Variants in NLGN4X observed in about 807,000 individuals in gnomAD.
NLGN4X encodes the protein neuroligin 4 X-linked.
Under a neutral mutation model 40.3 loss-of-function variants are expected in NLGN4X, and 3 were observed. That is an observed-to-expected ratio of 0.07 (90% CI 0.03 to 0.19). NLGN4X has a LOEUF of 0.19. NLGN4X is among the 10% of genes least tolerant of loss of function. The pLI, the probability that NLGN4X is intolerant of heterozygous loss-of-function variation, is 1.00. For missense variants in NLGN4X, 382 were observed against 708.3 expected (o/e 0.54, Z 5.23); for synonymous variants, 270 against 306.8 (o/e 0.88, Z 1.25).
At chrX:6,068,259 C>A (rs1056149324) in intron 2 of NLGN4X, among the ~76,000 whole-genome samples, 3 of 111,716 alleles carry the variant, frequency 2.7e-5, no homozygotes, top group African/African-American at 9.8e-5. Context: ...GTCAGAACAC[C>A]ACCCTGGTCA....
intron 3 of NLGN4X, among the ~76,000 whole-genome samples, chrX:6,024,777 G>A (rs761208652): frequency 3.6e-5 from 4 of 111,518 alleles, no homozygotes; most frequent in Non-Finnish European, 7.5e-5. Context: ...AAAAAGGGGA[G>A]GAACCCTTAG....
At chrX:5,893,712 T>A (rs761434990) in intron 5 of NLGN4X, 46 bp from the exon 6 acceptor site, 22 of 1,195,969 alleles carry the variant, frequency 1.8e-5, no homozygotes, top group Non-Finnish European at 2.1e-5. Context: ...CTCTTCCACA[T>A]GTGACGTGAA....
chrX:6,096,647 C>T (rs2038784255), intron 2 of NLGN4X, among the ~76,000 whole-genome samples: 1 of 111,682 alleles, frequency 9.0e-6, no homozygotes, highest in Non-Finnish European at 1.9e-5. Flanking sequence ...GAGGTTAACT[C>T]GCTGAGAGAC....
At chrX:5,984,198 A>G (rs1165596727) in intron 3 of NLGN4X, among the ~76,000 whole-genome samples, 3 of 111,442 alleles carry the variant, frequency 2.7e-5, no homozygotes, top group Admixed American at 9.6e-5. Context: ...TGTGGAAACT[A>G]TAAGAAGAAA....
At chrX:5,978,583 T>C (rs2035281218) in intron 3 of NLGN4X, among the ~76,000 whole-genome samples, 1 of 111,488 alleles carries the variant, frequency 9.0e-6, no homozygotes, top group South Asian at 3.7e-4. Flanking sequence ...ATTATTTTTA[T>C]CTGATAAAAT....
intron 3 of NLGN4X, among the ~76,000 whole-genome samples, chrX:5,934,851 T>C (rs1405692337): frequency 1.8e-5 from 2 of 112,384 alleles, no homozygotes; most frequent in Non-Finnish European, 3.8e-5. Flanking sequence ...GAAGTCAATA[T>C]GTAATGTAGT....
intron 2 of NLGN4X, among the ~76,000 whole-genome samples, chrX:6,117,203 G>A (rs1306350836): frequency 1.8e-5 from 2 of 110,429 alleles, no homozygotes; most frequent in Non-Finnish European, 1.9e-5. Flanking sequence ...CCGCATCTTT[G>A]TTAAATTCCA....
intron 2 of NLGN4X, among the ~76,000 whole-genome samples, chrX:6,032,032 T>C (rs1484023433): frequency 9.1e-6 from 1 of 109,682 alleles, no homozygotes; most frequent in Non-Finnish European, 1.9e-5. Flanking sequence ...TTTTTGTCCT[T>C]TTTCAGTTCT....
chrX:5,914,012 T>C (rs1229071117), intron 3 of NLGN4X, among the ~76,000 whole-genome samples: 1 of 112,270 alleles, frequency 8.9e-6, no homozygotes, highest in Non-Finnish European at 1.9e-5. Flanking sequence ...TCCCCAGCCA[T>C]GTGGAACTGT....
At chrX:6,156,732 T>A (rs189998627) in intron 1 of NLGN4X, among the ~76,000 whole-genome samples, 1 of 108,890 alleles carries the variant, frequency 9.2e-6, no homozygotes, top group African/African-American at 3.4e-5. Flanking sequence ...GGGGAAAAGG[T>A]AGAAAAACTA....
intron 2 of NLGN4X, 40 bp downstream of exon 2, chrX:6,150,955 G>T: frequency 9.2e-7 from 1 of 1,090,328 alleles, no homozygotes; most frequent in Non-Finnish European, 1.3e-6. Context: ...TCTACACACT[G>T]CACAAGAGGT....
intron 2 of NLGN4X, among the ~76,000 whole-genome samples, chrX:6,043,827 G>A (rs1320786002): frequency 9.0e-6 from 1 of 111,528 alleles, no homozygotes; most frequent in Admixed American, 9.6e-5. Flanking sequence ...TTTCAATTAA[G>A]AGCCCTAAAA....
chrX:6,214,250 G>A (rs140548340), intron 1 of NLGN4X, among the ~76,000 whole-genome samples: 137 of 111,405 alleles, frequency 1.2e-3, no homozygotes, highest in African/African-American at 4.2e-3. Flanking sequence ...TCTGCCCTTC[G>A]TTTGCCCTTG....
In NLGN4X at chrX:5,890,238, TCTTA is replaced by T. The variant is rs1352957603; in HGVS notation, c.*2575_*2578del. On this transcript the variant is annotated 3_prime_UTR_variant, in exon 6 of 6. Transcript: ENST00000381095. ...AAGCCTAGGACAGGATTTTTTTTTT[TCTTA>T]CTTTTTTCTCATTTTTTTTCTTTTT... is the stretch of plus-strand genomic sequence containing the variant. 5.8e-6 allele frequency: 1 copy of T among 173,506 alleles called. No homozygotes were observed. Among genetic ancestry groups the T allele is most frequent in the Admixed American group, 7.5e-5 (1 of 13,291 alleles). 14.3% of individuals were successfully genotyped at this position (173,506 alleles called of 1,213,427 possible). A position where few individuals can be genotyped will look rare whatever the true frequency, so the allele number is the denominator to read the frequency against.
chrX:6,032,181 T>C (rs937871233), intron 2 of NLGN4X, among the ~76,000 whole-genome samples: 3 of 101,476 alleles, frequency 3.0e-5, no homozygotes, highest in African/African-American at 7.3e-5. Flanking sequence ...GAAATCTATG[T>C]TGGAATCAAT....
At chrX:6,093,780 T>C (rs2038695439) in intron 2 of NLGN4X, among the ~76,000 whole-genome samples, 1 of 111,849 alleles carries the variant, frequency 8.9e-6, no homozygotes, top group South Asian at 3.7e-4. Context: ...TGGATATCTA[T>C]TGTAAAACAG....
intron 3 of NLGN4X, among the ~76,000 whole-genome samples, chrX:6,010,266 T>C (rs759518827): frequency 9.1e-6 from 1 of 109,718 alleles, no homozygotes; most frequent in Non-Finnish European, 1.9e-5. Flanking sequence ...GTTAGTGTTG[T>C]TGTCATGAAT....
chrX:6,017,618 A>C (rs1426942458), intron 3 of NLGN4X, among the ~76,000 whole-genome samples: 1 of 111,927 alleles, frequency 8.9e-6, no homozygotes, highest in South Asian at 3.7e-4. Context: ...CAATGGTTTG[A>C]TTTATGATTT....
At position 6,042,730 on chromosome X, in the gene NLGN4X, T is replaced by TATATACACACACAC. The variant is rs1215396694; in HGVS notation, c.473-13299_473-13298insGTGTGTGTGTATAT. ...ATATATATATATATATATATATATA[T>TATATACACACACAC]ACACACACACGTACACATATCTATA... On this transcript the variant is annotated intron_variant, in intron 2 of 5. Transcript: ENST00000381095. Among the ~76,000 whole-genome samples the TATATACACACACAC allele has an allele frequency of 1.0e-3, 21 of 20,156 alleles. 1 individual carries two copies. The highest frequency in any genetic ancestry group is 3.0e-3 in the African/African-American group (19 of 6,287). The allele number at this position is 20,156 out of a possible 115,157, so 17.5% of individuals were successfully genotyped here. A position where few individuals can be genotyped will look rare whatever the true frequency, so the allele number is the denominator to read the frequency against.
Sources: gnomAD v4.1 joint callset for allele counts (sites outside exome capture counted in the v4.1 genomes callset) on GRCh38, gnomAD v4.1.1 for gene constraint, MANE v1.5 for transcripts, NCBI Gene and HGNC (gene_info 2026-07-23, HGNC 2026-07-21) for gene names.